PCOLCE2: variants seen among roughly 807,000 people sequenced by gnomAD.
The protein encoded by PCOLCE2 is procollagen C-proteinase enhancer 2.
Under a neutral mutation model 47.0 loss-of-function variants are expected in PCOLCE2, and 42 were observed. The ratio of observed to expected loss-of-function variants is 0.89; its 90% CI spans 0.70 to 1.16. PCOLCE2 has a LOEUF of 1.16. Ranked by LOEUF, PCOLCE2 falls within the 50% of genes most tolerant of loss-of-function variation. The pLI is 0.00. For synonymous variants in PCOLCE2, 169 were observed against 191.7 expected (o/e 0.88, Z 0.98); for missense variants, 500 against 526.1 (o/e 0.95, Z 0.49).
intron 2 of PCOLCE2, among the ~76,000 whole-genome samples, chr3:142,852,428 A>C (rs1173729128): frequency 2.0e-5 from 3 of 152,192 alleles, no homozygotes; most frequent in Admixed American, 2.0e-4. Context: ...AAATACAGAA[A>C]GATACACAGA....
intron 2 of PCOLCE2, among the ~76,000 whole-genome samples, chr3:142,856,543 T>A (rs2108201544): frequency 6.6e-6 from 1 of 152,230 alleles, no homozygotes; most frequent in South Asian, 2.1e-4. Flanking sequence ...TGGGAGGGTG[T>A]TCAGACTGAA....
chr3:142,869,912 A>T (rs1933352734), intron 2 of PCOLCE2, among the ~76,000 whole-genome samples: 1 of 152,230 alleles, frequency 6.6e-6, no homozygotes, highest in Non-Finnish European at 1.5e-5. Flanking sequence ...GGCATGGGTC[A>T]TAGTCCTATT....
intron 2 of PCOLCE2, among the ~76,000 whole-genome samples, chr3:142,852,473 A>G (rs2108199539): frequency 6.6e-6 from 1 of 152,172 alleles, no homozygotes; most frequent in Non-Finnish European, 1.5e-5. Flanking sequence ...CACGAAATTG[A>G]CTTTTGTTAA....
At chr3:142,861,955 C>T (rs567391408) in intron 2 of PCOLCE2, among the ~76,000 whole-genome samples, 25 of 152,184 alleles carry the variant, frequency 1.6e-4, no homozygotes, top group Non-Finnish European at 3.2e-4. Context: ...CAGCTTTCAT[C>T]GGAGGAGCAG....
chr3:142,839,431 G>A (rs564940931), intron 4 of PCOLCE2, among the ~76,000 whole-genome samples: 23 of 152,026 alleles, frequency 1.5e-4, no homozygotes, highest in African/African-American at 5.3e-4. Context: ...TCCTGCCTCA[G>A]CCTCCTGAGT....
chr3:142,832,569 C>T (rs1008426180), intron 5 of PCOLCE2, among the ~76,000 whole-genome samples: 20 of 152,336 alleles, frequency 1.3e-4, no homozygotes, highest in African/African-American at 4.8e-4. Context: ...CAAAAGCTTT[C>T]CCTGATCACT....
chr3:142,888,248 TC>T lies in PCOLCE2; in HGVS notation c.84-472del, dbSNP rs574091088. 1.7e-4 allele frequency among the ~76,000 whole-genome samples: 26 copies of T among 152,290 alleles called. No individual in the cohort carries two copies. The East Asian group carries it at 4.8e-3, about 28-fold the overall frequency. ...AAAATCACTCGCCATTGGCAGAGCTTCCCATCGAAAGGGAGGCTGATGTTGA... is the reference window on the plus strand; with the variant it reads ...AAAATCACTCGCCATTGGCAGAGCTTCCATCGAAAGGGAGGCTGATGTTGA... On this transcript the variant is annotated intron_variant, in intron 1 of 8. Transcript: ENST00000295992.
intron 2 of PCOLCE2, among the ~76,000 whole-genome samples, chr3:142,881,882 G>C (rs539425825): frequency 6.6e-6 from 1 of 152,110 alleles, no homozygotes; most frequent in African/African-American, 2.4e-5. Context: ...GACAACTTAC[G>C]CTTTTTTCTT....
At chr3:142,874,663 C>G (rs1933463292) in intron 2 of PCOLCE2, among the ~76,000 whole-genome samples, 1 of 152,216 alleles carries the variant, frequency 6.6e-6, no homozygotes, top group Admixed American at 6.5e-5. Context: ...TGCCCAGAAG[C>G]AGGTGGATGG....
chr3:142,868,148 C>T (rs1320751965), intron 2 of PCOLCE2, among the ~76,000 whole-genome samples: 3 of 152,130 alleles, frequency 2.0e-5, no homozygotes, highest in South Asian at 4.1e-4. Context: ...CAGGTCACGA[C>T]GTGCAGGGCT....
At chr3:142,820,413 G>A (rs1490217284) in intron 8 of PCOLCE2, among the ~76,000 whole-genome samples, 1 of 151,968 alleles carries the variant, frequency 6.6e-6, no homozygotes, top group African/African-American at 2.4e-5. Flanking sequence ...GTAACTTTCC[G>A]TTTTTCGTAA....
intron 6 of PCOLCE2, chr3:142,827,542 C>T: frequency 6.8e-7 from 1 of 1,479,646 alleles, no homozygotes; most frequent in Non-Finnish European, 9.4e-7. Context: ...CGATCATACC[C>T]TCAGGCATGG....
intron 2 of PCOLCE2, among the ~76,000 whole-genome samples, chr3:142,874,225 G>A (rs1417805916): frequency 2.0e-5 from 3 of 152,146 alleles, no homozygotes; most frequent in African/African-American, 4.8e-5. Context: ...ACAGGCACAC[G>A]CCACCACACC....
intron 2 of PCOLCE2, among the ~76,000 whole-genome samples, chr3:142,881,318 T>C (rs1051006458): frequency 1.3e-5 from 2 of 152,190 alleles, no homozygotes; most frequent in African/African-American, 4.8e-5. Flanking sequence ...TATGAAATGG[T>C]CATACTAAGG....
intron 2 of PCOLCE2, among the ~76,000 whole-genome samples, chr3:142,880,403 A>C (rs1438128239): frequency 1.3e-5 from 2 of 151,474 alleles, no homozygotes; most frequent in African/African-American, 4.9e-5. Context: ...CAGTAATTTT[A>C]GAACCCCTTG....
intron 2 of PCOLCE2, among the ~76,000 whole-genome samples, chr3:142,853,991 C>T (rs1279052824): frequency 1.3e-5 from 2 of 152,206 alleles, no homozygotes; most frequent in Non-Finnish European, 1.5e-5. Flanking sequence ...CCAAAGCTCT[C>T]GATGCCGGGG....
intron 2 of PCOLCE2, among the ~76,000 whole-genome samples, chr3:142,881,670 G>GTT (rs1933624400): frequency 6.6e-6 from 1 of 152,080 alleles, no homozygotes; most frequent in South Asian, 2.1e-4. Context: ...AAATATTTGT[G>GTT]TATCTAAACA....
At chr3:142,882,615 C>T (rs190233800) in intron 2 of PCOLCE2, among the ~76,000 whole-genome samples, 118 of 151,388 alleles carry the variant, frequency 7.8e-4, no homozygotes, top group Admixed American at 7.1e-3. Flanking sequence ...CTCACTCTGT[C>T]GCCCAGCCTG....
At chr3:142,871,871 T>C (rs1216301160) in intron 2 of PCOLCE2, among the ~76,000 whole-genome samples, 2 of 152,162 alleles carry the variant, frequency 1.3e-5, no homozygotes, top group East Asian at 3.8e-4. Flanking sequence ...TACATATACA[T>C]AAACATTTAT....
Sources: allele counts gnomAD v4.1 joint callset (sites outside exome capture counted in the v4.1 genomes callset), GRCh38; gene constraint gnomAD v4.1.1; transcripts MANE v1.5; gene names NCBI Gene and HGNC (gene_info 2026-07-23, HGNC 2026-07-21).